The following MCMDC2 variants were observed in gnomAD, a reference collection of about 807,000 sequenced individuals.
MCMDC2 encodes minichromosome maintenance domain-containing protein 2.
In MCMDC2, 54 loss-of-function variants were observed where a neutral mutation model predicts 75.8. The observed-to-expected ratio is 0.71, with a 90% CI of 0.57 to 0.89. The LOEUF (loss-of-function observed/expected upper bound fraction) is 0.89, where lower values mean the gene tolerates loss of function less well. Ranked by LOEUF, MCMDC2 falls within the 40% of genes least tolerant of loss-of-function variation. The pLI is 0.00. For missense variants in MCMDC2, 656 were observed against 780.4 expected, an observed-to-expected ratio of 0.84 and a Z score of 1.90; for synonymous variants, 249 against 274.6, an observed-to-expected ratio of 0.91 and a Z score of 0.92.
intron 14 of MCMDC2, among the ~76,000 whole-genome samples, chr8:66,906,654 A>G (rs922495427): frequency 6.6e-6 from 1 of 152,120 alleles, no homozygotes; most frequent in African/African-American, 2.4e-5. Context: ...TTACCAAAAG[A>G]GAATAACGCT....
At chr8:66,910,809 CAAA>C in intron 14 of MCMDC2, among the ~76,000 whole-genome samples, 1 of 135,446 alleles carries the variant, frequency 7.4e-6, no homozygotes, top group African/African-American at 2.7e-5. Context: ...AACTCCATCT[CAAA>C]AAAAAAAAAA....
intron 9 of MCMDC2, among the ~76,000 whole-genome samples, chr8:66,886,411 C>T (rs1294665479): frequency 3.3e-5 from 5 of 152,160 alleles, no homozygotes; most frequent in East Asian, 2.0e-4. Flanking sequence ...GTAATCCACC[C>T]GCCTTGGCCT....
intron 8 of MCMDC2, among the ~76,000 whole-genome samples, chr8:66,882,468 G>A (rs1369250649): frequency 6.6e-6 from 1 of 151,856 alleles, no homozygotes; most frequent in Non-Finnish European, 1.5e-5. Context: ...CGAGTTCAAG[G>A]GATTCTCCTG....
At chr8:66,875,670 A>T (rs1811249763) in intron 4 of MCMDC2, among the ~76,000 whole-genome samples, 1 of 152,230 alleles carries the variant, frequency 6.6e-6, no homozygotes, top group South Asian at 2.1e-4. Context: ...GTTTACATTT[A>T]AATTTGCCCA....
chr8:66,883,647 T>A, intron 8 of MCMDC2, 110 bp from the exon 9 acceptor site: 1 of 647,328 alleles, frequency 1.5e-6, no homozygotes. Context: ...AAGAATATGG[T>A]ATTATTGGAA....
intron 12 of MCMDC2, among the ~76,000 whole-genome samples, chr8:66,898,539 G>C (rs933916613): frequency 6.6e-6 from 1 of 150,622 alleles, no homozygotes; most frequent in Non-Finnish European, 1.5e-5. Context: ...CAGGAGAATC[G>C]CTTGAACCCG....
intron 13 of MCMDC2, among the ~76,000 whole-genome samples, chr8:66,902,692 C>CAAAAAAA (rs530805303): frequency 2.4e-4 from 14 of 57,234 alleles, no homozygotes; most frequent in African/African-American, 8.4e-4. Context: ...GATTCTGTCT[C>CAAAAAAA]AAAAAAAAAA....
chr8:66,907,198 A>G (rs1273595459), intron 14 of MCMDC2, among the ~76,000 whole-genome samples: 1 of 151,778 alleles, frequency 6.6e-6, no homozygotes, highest in Admixed American at 6.6e-5. Context: ...CCCGCATGGT[A>G]TTTGTCCTAA....
downstream of MCMDC2, among the ~76,000 whole-genome samples, chr8:66,926,020 G>A (rs1204438008): frequency 6.6e-6 from 1 of 151,964 alleles, no homozygotes; most frequent in African/African-American, 2.4e-5. Context: ...GTGGTGACGC[G>A]TGCCTGTAGT....
At chr8:66,895,643 C>G (rs1164983316) in intron 10 of MCMDC2, among the ~76,000 whole-genome samples, 1 of 152,040 alleles carries the variant, frequency 6.6e-6, no homozygotes, top group Non-Finnish European at 1.5e-5. Flanking sequence ...AAGCAATCCC[C>G]CCGTGTCAGC....
intron 9 of MCMDC2, among the ~76,000 whole-genome samples, chr8:66,887,460 G>T (rs1465622451): frequency 6.6e-6 from 1 of 152,060 alleles, no homozygotes; most frequent in Non-Finnish European, 1.5e-5. Context: ...GCTGAGGCAG[G>T]AGAATCATTT....
At chr8:66,915,283 C>G (rs1046820274) in intron 14 of MCMDC2, among the ~76,000 whole-genome samples, 13 of 151,932 alleles carry the variant, frequency 8.6e-5, no homozygotes, top group Non-Finnish European at 1.5e-4. Flanking sequence ...GAAACCCTGT[C>G]TCTACTAAAA....
chr8:66,911,251 G>A (rs924707444), intron 14 of MCMDC2, among the ~76,000 whole-genome samples: 5 of 152,118 alleles, frequency 3.3e-5, no homozygotes, highest in African/African-American at 4.8e-5. Context: ...TGATGTTCTT[G>A]TGGTAGTGAG....
At position 66,880,866 on chromosome 8, in the gene MCMDC2, A is replaced by G. The variant is rs1201367046; in HGVS notation, c.727A>G (p.Met243Val). ...AATTTTAGATGAATCAGTGAATAAA[A>G]TGAATATAGGAAATGAATATAAAAT... is the stretch of plus-strand genomic sequence containing the variant. ...IFLRDESVNKMNIGNEYKIIG... is the reference protein window; with the variant it reads ...IFLRDESVNKVNIGNEYKIIG... The change falls in exon 8 of 15, where the codon ATG becomes GTG. Residue 243 changes from methionine (M) to valine (V), a missense_variant. By Grantham distance (21) the Met-to-Val change is conservative (BLOSUM62 1). Coordinates refer to ENST00000422365, the MANE Select transcript of MCMDC2 (RefSeq NM_173518.5). The G allele has an allele frequency of 6.5e-7, 1 of 1,543,894 alleles. No individual in the cohort carries two copies. The highest frequency in any genetic ancestry group is 2.4e-5 in the East Asian group (1 of 42,376).
rs746650220 is a variant in MCMDC2 at position 66,921,178 on chromosome 8, A to C, written c.*2009A>C. The C allele has an allele frequency of 5.9e-5, 9 of 152,186 alleles. No homozygotes were observed. Among genetic ancestry groups the C allele is most frequent in the Non-Finnish European group, 8.8e-5 (6 of 68,034 alleles). 9.4% of individuals were successfully genotyped at this position (152,186 alleles called of 1,614,324 possible). On this transcript the variant is annotated 3_prime_UTR_variant, in exon 15 of 15. Transcript: ENST00000422365. ...TTAAAGAGTAGAAGTGTACATTCAG[A>C]AACAATTATGGGAGGTAATTCATTA... is the stretch of plus-strand genomic sequence containing the variant.
Position 66,877,404 on chromosome 8 carries a change from A to G in MCMDC2, c.341A>G (p.Asp114Gly). ...CCTCCCCTGCCAAGTTATGGTCTTG[A>G]TCTTTGTGAGTTTCCACTTGATTAT... ...HLPPLPSYGL[D>G]LCEFPLDYTS... The change falls in exon 5 of 15, where the codon GAT becomes GGT. Residue 114 changes from aspartate to glycine, a missense_variant. By Grantham distance (94) the Asp-to-Gly change is moderately conservative. Coordinates refer to ENST00000422365, the MANE Select transcript of MCMDC2 (RefSeq NM_173518.5). The G allele has an allele frequency of 6.2e-7, 1 of 1,613,362 alleles. No homozygotes were observed.
At chr8:66,877,080 G>A (rs1179251227) in intron 4 of MCMDC2, among the ~76,000 whole-genome samples, 1 of 152,016 alleles carries the variant, frequency 6.6e-6, no homozygotes, top group Non-Finnish European at 1.5e-5. Context: ...TGTTTTTTAA[G>A]TCTTTTCAGT....
At chr8:66,888,388 G>A (rs1257890930) in intron 9 of MCMDC2, among the ~76,000 whole-genome samples, 2 of 152,136 alleles carry the variant, frequency 1.3e-5, no homozygotes, top group Non-Finnish European at 2.9e-5. Context: ...AGCCAAATCA[G>A]TATGTTAATA....
At chr8:66,878,141 T>C (rs920867806) in intron 5 of MCMDC2, among the ~76,000 whole-genome samples, 8 of 152,208 alleles carry the variant, frequency 5.3e-5, no homozygotes, top group African/African-American at 1.7e-4. Context: ...CTCAACCCTT[T>C]GGCTTAACTT....
Sources: gnomAD v4.1 joint callset for allele counts (sites outside exome capture counted in the v4.1 genomes callset) on GRCh38, gnomAD v4.1.1 for gene constraint, MANE v1.5 for transcripts, NCBI Gene and HGNC (gene_info 2026-07-23, HGNC 2026-07-21) for gene names.